The following MX1 variants were observed in gnomAD, a reference collection of about 807,000 sequenced individuals.
The protein encoded by MX1 is interferon-induced GTP-binding protein Mx1.
In MX1, 66 loss-of-function variants were observed where a neutral mutation model predicts 66.4. The ratio of observed to expected loss-of-function variants is 0.99; its 90% confidence interval spans 0.82 to 1.22. The LOEUF is 1.22. Among genes scored for constraint, MX1 ranks in the 50% most tolerant of loss-of-function variants. The pLI is 0.00. For synonymous variants in MX1, 311 were observed against 318.1 expected, an observed-to-expected ratio of 0.98 and a Z score of 0.24; for missense variants, 787 against 834.3, an observed-to-expected ratio of 0.94 and a Z score of 0.70.
chr21:41,450,020 T>C (rs1008283994), intron 14 of MX1, among the ~76,000 whole-genome samples: 1 of 152,182 alleles, frequency 6.6e-6, no homozygotes, highest in Non-Finnish European at 1.5e-5. Context: ...CTCCTAAGGC[T>C]GGACATTCCA....
chr21:41,440,286 C>A (rs953984259), intron 8 of MX1, among the ~76,000 whole-genome samples: 1 of 152,076 alleles, frequency 6.6e-6, no homozygotes, highest in African/African-American at 2.4e-5. Flanking sequence ...ATTCCTTGAG[C>A]CCAAGAGTTT....
intron 13 of MX1, among the ~76,000 whole-genome samples, chr21:41,448,365 G>T (rs1276347382): frequency 6.6e-6 from 1 of 152,218 alleles, no homozygotes; most frequent in Non-Finnish European, 1.5e-5. Flanking sequence ...TTCGACACAT[G>T]AATATGTGAT....
At chr21:41,448,270 T>C (rs1373876872) in intron 13 of MX1, among the ~76,000 whole-genome samples, 1 of 152,264 alleles carries the variant, frequency 6.6e-6, no homozygotes, top group African/African-American at 2.4e-5. Context: ...ACAGTGCTAC[T>C]GTATCACATT....
intron 2 of MX1, 90 bp downstream of exon 2, chr21:41,427,394 A>T (rs1003219694): frequency 5.9e-5 from 9 of 152,230 alleles, no homozygotes; most frequent in Non-Finnish European, 1.2e-4. Flanking sequence ...GGGGGGAAAA[A>T]CGCTTTCAGA....
Position 41,458,626 on chromosome 21 carries a change from C to T in MX1, c.1857C>T (p.Leu619=). 6.2e-7 allele frequency: 1 copy of T among 1,614,218 alleles called. No individual in the cohort carries two copies. Among genetic ancestry groups the T allele is most frequent in the Non-Finnish European group, 8.5e-7 (1 of 1,180,046 alleles). ...AGCTTCAGAAGGCCATGCTGCAGCT[C>T]CTGCAGGACAAGGACACCTACAGCT... ...GQQLQKAMLQ[L]LQDKDTYSWL... is the part of the protein sequence containing the mutation. The change falls in exon 17 of 17, where the codon CTC becomes CTT. Residue 619 remains leucine, a synonymous_variant. Coordinates refer to ENST00000398598, the MANE Select transcript of MX1 (RefSeq NM_002462.5).
chr21:41,420,731 C>T (rs1046331514), exon 1 of MX1: 2 of 152,318 alleles, frequency 1.3e-5, no homozygotes, highest in African/African-American at 4.8e-5. Context: ...GCCCGGATCC[C>T]AAGTGCAGCG....
In MX1 at chr21:41,444,318, C is replaced by CTTTTTTTTT. The variant is rs11317486; in HGVS notation, c.1008+470_1008+478dup. Among the ~76,000 whole-genome samples, 140 of 71,544 alleles carry CTTTTTTTTT rather than the reference C, an allele frequency of 2.0e-3. 1 individual carries two copies. Among genetic ancestry groups the CTTTTTTTTT allele is most frequent in the Middle Eastern group, 0.011 (1 of 88 alleles). The allele number at this position is 71,544 out of a possible 152,430, so 46.9% of individuals were successfully genotyped here. On this transcript the variant is annotated intron_variant, in intron 11 of 16. Coordinates refer to ENST00000398598, the MANE Select transcript of MX1 (RefSeq NM_002462.5). Reference sequence around the variant, plus strand: ...AATTTTCTTTTCTTTTCTTTTCTTTCTTTTTTTTTTTTTTTTTTTTTTTTT... The same window carrying CTTTTTTTTT: ...AATTTTCTTTTCTTTTCTTTTCTTTCTTTTTTTTTTTTTTTTTTTTTTTTTTTTTTTTTT...
At chr21:41,437,364 C>G (rs1255565952) in intron 7 of MX1, among the ~76,000 whole-genome samples, 1 of 152,106 alleles carries the variant, frequency 6.6e-6, no homozygotes, top group East Asian at 1.9e-4. Flanking sequence ...TCTGGCCAGG[C>G]ACAGTGGCTT....
chr21:41,448,191 T>C (rs562092437), intron 13 of MX1, among the ~76,000 whole-genome samples: 1 of 152,340 alleles, frequency 6.6e-6, no homozygotes, highest in South Asian at 2.1e-4. Context: ...TAACTCTCTC[T>C]AGTGTGGATT....
At chr21:41,455,507 T>A (rs1314446358) in intron 16 of MX1, among the ~76,000 whole-genome samples, 1 of 151,924 alleles carries the variant, frequency 6.6e-6, no homozygotes, top group Non-Finnish European at 1.5e-5. Flanking sequence ...GGCAGAGGAG[T>A]CTCCGAGCCA....
At chr21:41,424,263 T>TGTG (rs2090023200), upstream of MX1, among the ~76,000 whole-genome samples, 31 of 109,522 alleles carry the variant, frequency 2.8e-4, no homozygotes, top group African/African-American at 1.5e-3. Context: ...GTGTGTGTGT[T>TGTG]AAAGTGAGGT....
intron 5 of MX1, among the ~76,000 whole-genome samples, chr21:41,435,628 A>G (rs749354272): frequency 6.6e-6 from 1 of 152,186 alleles, no homozygotes; most frequent in Non-Finnish European, 1.5e-5. Flanking sequence ...TTATAAAACC[A>G]TCAGACCTCA....
chr21:41,441,849 C>T lies in MX1; in HGVS notation c.864C>T (p.Asp288=). The T allele has an allele frequency of 6.2e-7, 1 of 1,614,172 alleles. No individual in the cohort carries two copies. Among genetic ancestry groups the T allele is most frequent in the Non-Finnish European group, 8.5e-7 (1 of 1,180,034 alleles). The change falls in exon 10 of 17, where the codon GAC becomes GAT. Residue 288 remains aspartate, a synonymous_variant. Transcript: ENST00000398598. The surrounding 1 kb of genome is among the most constrained non-coding windows in gnomAD (Gnocchi z 4.0). ...VKCRGQQEIQ[D]QLSLSEALQR... is the part of the protein sequence containing the mutation. ...GCCGGGGCCAGCAGGAGATCCAGGA[C>T]CAGCTGAGCCTGTCCGAAGCCCTGC... is the stretch of plus-strand genomic sequence containing the variant.
chr21:41,458,141 C>G (rs1245073263), intron 16 of MX1, among the ~76,000 whole-genome samples: 1 of 152,204 alleles, frequency 6.6e-6, no homozygotes, highest in Non-Finnish European at 1.5e-5. Flanking sequence ...TGGTGTGCCG[C>G]CACACCTGGC....
intron 6 of MX1, 68 bp downstream of exon 6, chr21:41,436,097 T>G (rs1438986186): frequency 6.5e-7 from 1 of 1,546,278 alleles, no homozygotes; most frequent in African/African-American, 1.4e-5. Flanking sequence ...CAGGGTGGCT[T>G]ATACAACAAA....
chr21:41,459,214 ACTGCT>A (rs2091029561), downstream of MX1: 1 of 171,546 alleles, frequency 5.8e-6, no homozygotes, highest in African/African-American at 2.4e-5. Flanking sequence ...TCTAGCAGAC[ACTGCT>A]CTGCCATGTT....
At chr21:41,450,374 C>T (rs1208854759) in intron 14 of MX1, among the ~76,000 whole-genome samples, 1 of 152,166 alleles carries the variant, frequency 6.6e-6, no homozygotes, top group East Asian at 1.9e-4. Context: ...AGTATCCTTA[C>T]TCACACTTCA....
At chr21:41,446,996 A>G (rs541884900) in intron 13 of MX1, among the ~76,000 whole-genome samples, 20 of 152,340 alleles carry the variant, frequency 1.3e-4, no homozygotes, top group African/African-American at 4.8e-4. Flanking sequence ...ATGACCATCC[A>G]CTGATGAATT....
rs951248333 is a variant in MX1 at position 41,439,769 on chromosome 21, T to C, written c.512T>C (p.Val171Ala). The C allele has an allele frequency of 1.2e-6, 2 of 1,614,016 alleles. No individual in the cohort carries two copies. Among genetic ancestry groups the C allele is most frequent in the Admixed American group, 1.7e-5 (1 of 60,006 alleles). The change falls in exon 8 of 17, where the codon GTC (valine) becomes GCC (alanine). Residue 171 changes from valine (V) to alanine (A), a missense_variant. Val to Ala is a moderately conservative substitution (Grantham distance 64). Coordinates refer to ENST00000398598, the MANE Select transcript of MX1 (RefSeq NM_002462.5). Reference protein sequence around the residue: ...LITLEISSRDVPDLTLIDLPG... With the variant: ...LITLEISSRDAPDLTLIDLPG... Reference sequence around the variant, plus strand: ...ACCCTGGAGATCAGCTCCCGAGATGTCCCGGATCTGACTCTAATAGACCTT... The same window carrying C: ...ACCCTGGAGATCAGCTCCCGAGATGCCCCGGATCTGACTCTAATAGACCTT...
Sources: allele counts gnomAD v4.1 joint callset (sites outside exome capture counted in the v4.1 genomes callset), GRCh38; gene constraint gnomAD v4.1.1; non-coding constraint Gnocchi (gnomAD v3.1); transcripts MANE v1.5; gene names NCBI Gene and HGNC (gene_info 2026-07-23, HGNC 2026-07-21).